Variants in HMGCLL1 observed in about 807,000 individuals in gnomAD.
HMGCLL1 encodes the protein 3-hydroxy-3-methylglutaryl-CoA lyase like 1.
A neutral mutation model predicts 39.1 loss-of-function variants in HMGCLL1; 36 were observed. That is an observed-to-expected ratio of 0.92 (90% CI 0.71 to 1.22). The LOEUF (loss-of-function observed/expected upper bound fraction) is 1.22. Ranked by LOEUF, HMGCLL1 falls within the 50% of genes most tolerant of loss-of-function variation. The probability of loss-of-function intolerance (pLI) is 0.00; values close to 1 mark genes in which losing one functional copy is unlikely to be tolerated. For missense variants in HMGCLL1, 451 were observed against 416.5 expected (o/e 1.08, Z -0.72); for synonymous variants, 149 against 144.0 (o/e 1.03, Z -0.25).
chr6:55,502,311 C>G (rs963181473), intron 5 of HMGCLL1, among the ~76,000 whole-genome samples: 3 of 151,656 alleles, frequency 2.0e-5, no homozygotes, highest in African/African-American at 7.3e-5. Flanking sequence ...CTATCTGTTT[C>G]TATCTTATCT....
intron 7 of HMGCLL1, among the ~76,000 whole-genome samples, chr6:55,493,662 G>A (rs761350758): frequency 2.0e-5 from 3 of 151,706 alleles, no homozygotes; most frequent in African/African-American, 4.8e-5. Flanking sequence ...TCACACACGT[G>A]CACACACACA....
intron 7 of HMGCLL1, among the ~76,000 whole-genome samples, chr6:55,487,248 A>G (rs1182654569): frequency 6.6e-6 from 1 of 151,278 alleles, no homozygotes; most frequent in African/African-American, 2.4e-5. Context: ...TTATTGCTTA[A>G]TTGCCCTGGT....
the HMGCLL1 span, among the ~76,000 whole-genome samples, chr6:55,665,209 G>C: frequency 6.6e-6 from 1 of 151,624 alleles, no homozygotes; most frequent in Non-Finnish European, 1.5e-5. Flanking sequence ...AGAAAATTTT[G>C]AAATTATCTT....
At chr6:55,486,218 G>A (rs1165645070) in intron 7 of HMGCLL1, among the ~76,000 whole-genome samples, 1 of 150,874 alleles carries the variant, frequency 6.6e-6, no homozygotes, top group Non-Finnish European at 1.5e-5. Flanking sequence ...TATTTTTTGT[G>A]ATTTTCCATA....
At chr6:55,631,086 A>G in the HMGCLL1 span, among the ~76,000 whole-genome samples, 56 of 152,076 alleles carry the variant, frequency 3.7e-4, no homozygotes, top group East Asian at 7.8e-4. Flanking sequence ...TCGTACTTGA[A>G]TCATTAATAC....
In HMGCLL1 at chr6:55,499,146, T is replaced by C. The variant is rs895705206; in HGVS notation, c.606+90A>G. On this transcript the variant is annotated intron_variant, in intron 6 of 8. Transcript: ENST00000274901. ...CCTCTTAATCCATGGCTTCATGCTA[T>C]GCAGATTCAATAAATATTAAGAAAG... is the stretch of plus-strand genomic sequence containing the variant. 38 of 1,008,524 alleles carry C rather than the reference T, an allele frequency of 3.8e-5. No individual in the cohort carries two copies. The Admixed American group carries it at 5.0e-4, about 13-fold the overall frequency. 62.5% of individuals were successfully genotyped at this position (1,008,524 alleles called of 1,614,324 possible).
At chr6:55,651,528 T>A in the HMGCLL1 span, among the ~76,000 whole-genome samples, 7 of 152,104 alleles carry the variant, frequency 4.6e-5, no homozygotes, top group African/African-American at 1.7e-4. Context: ...CTTTCCTTGC[T>A]AAGAGCTGCG....
At chr6:55,624,090 T>C in the HMGCLL1 span, among the ~76,000 whole-genome samples, 3 of 152,176 alleles carry the variant, frequency 2.0e-5, no homozygotes, top group Admixed American at 2.0e-4. Flanking sequence ...TTTTCCCCAG[T>C]GCATGCTTAC....
In HMGCLL1 at chr6:55,514,089, CT is replaced by C; in HGVS notation, c.500del (p.Glu167GlyfsTer9). The C allele has an allele frequency of 6.2e-7, 1 of 1,613,122 alleles. No individual in the cohort carries two copies. ...TCATGTGTCTTGCAGACTTAACAAC[CT>C]CCTCAAATTTTCCCATACTTTCTTC... The part of the protein sequence containing the change: ...SIEESMGKFE[E>X]VVKSARHMNI... On this transcript the variant is annotated frameshift_variant, in exon 5 of 9. Transcript: ENST00000274901. LOFTEE classifies it high-confidence loss of function.
At chr6:55,628,518 G>C in the HMGCLL1 span, among the ~76,000 whole-genome samples, 1 of 151,604 alleles carries the variant, frequency 6.6e-6, no homozygotes, top group South Asian at 2.1e-4. Flanking sequence ...TAGCCAGGCT[G>C]GTCTTGAACA....
At chr6:55,588,137 T>G in the HMGCLL1 span, among the ~76,000 whole-genome samples, 3 of 152,058 alleles carry the variant, frequency 2.0e-5, no homozygotes, top group African/African-American at 7.2e-5. Flanking sequence ...ATTCCAAAAT[T>G]GACCACATAG....
intron 7 of HMGCLL1, among the ~76,000 whole-genome samples, chr6:55,468,367 G>A (rs1764883008): frequency 6.6e-6 from 1 of 151,932 alleles, no homozygotes; most frequent in Non-Finnish European, 1.5e-5. Flanking sequence ...TATGGAAGGT[G>A]CTCAATAGAT....
At chr6:55,456,930 G>A (rs1764349612) in intron 7 of HMGCLL1, among the ~76,000 whole-genome samples, 1 of 152,208 alleles carries the variant, frequency 6.6e-6, no homozygotes, top group Non-Finnish European at 1.5e-5. Context: ...TGGTGAGCAA[G>A]TTGAAAATCA....
the HMGCLL1 span, among the ~76,000 whole-genome samples, chr6:55,635,433 A>T: frequency 4.1e-5 from 6 of 145,620 alleles, no homozygotes; most frequent in Admixed American, 6.9e-5. Flanking sequence ...AATTCTAGAT[A>T]AAAAAAAAAA....
chr6:55,615,975 C>T, the HMGCLL1 span, among the ~76,000 whole-genome samples: 1 of 152,118 alleles, frequency 6.6e-6, no homozygotes, highest in African/African-American at 2.4e-5. Context: ...GCCACACTTA[C>T]ATTCCCTTAA....
the HMGCLL1 span, among the ~76,000 whole-genome samples, chr6:55,609,798 G>A: frequency 1.3e-5 from 2 of 152,060 alleles, no homozygotes; most frequent in Admixed American, 6.5e-5. Flanking sequence ...GGTGCCCCTT[G>A]AGGTCAGAGA....
chr6:55,538,102 A>G (rs752028232), intron 3 of HMGCLL1, among the ~76,000 whole-genome samples: 1 of 152,080 alleles, frequency 6.6e-6, no homozygotes, highest in East Asian at 1.9e-4. Flanking sequence ...GTCACTGAGT[A>G]TGTCCTAAAT....
chr6:55,489,893 C>A (rs898867052), intron 7 of HMGCLL1, among the ~76,000 whole-genome samples: 4 of 152,046 alleles, frequency 2.6e-5, no homozygotes, highest in African/African-American at 7.2e-5. Context: ...TAACAGAATT[C>A]TTTTGCATAT....
chr6:55,563,898 A>G (rs1771087259), intron 1 of HMGCLL1: 7 of 1,287,930 alleles, frequency 5.4e-6, no homozygotes, highest in Non-Finnish European at 7.1e-6. Context: ...CAGCATCAGC[A>G]TCACAGACTG....
Sources: allele counts gnomAD v4.1 joint callset (sites outside exome capture counted in the v4.1 genomes callset), GRCh38; gene constraint gnomAD v4.1.1; transcripts MANE v1.5; gene names NCBI Gene and HGNC (gene_info 2026-07-23, HGNC 2026-07-21).